Variants in GRHPR observed in about 807,000 individuals in gnomAD.
GRHPR encodes the protein glyoxylate and hydroxypyruvate reductase.
In GRHPR, 35 loss-of-function variants were observed where a neutral mutation model predicts 36.8. The ratio of observed to expected loss-of-function variants is 0.95; its 90% CI spans 0.73 to 1.26. The LOEUF (loss-of-function observed/expected upper bound fraction) is 1.26. GRHPR is among the 50% of genes most tolerant of loss of function. The pLI is 0.00. For missense variants in GRHPR, 380 were observed against 435.0 expected, an observed-to-expected ratio of 0.87 and a Z score of 1.12; for synonymous variants, 179 against 181.0, an observed-to-expected ratio of 0.99 and a Z score of 0.09.
At chr9:37,433,649 G>C (rs1823488659) in intron 8 of GRHPR, among the ~76,000 whole-genome samples, 1 of 152,186 alleles carries the variant, frequency 6.6e-6, no homozygotes, top group Non-Finnish European at 1.5e-5. Context: ...GACAGAGTGT[G>C]CTCCTCACGG....
Position 37,422,814 on chromosome 9 carries a change from G to A in GRHPR, c.64G>A (p.Ala22Thr). The A allele has an allele frequency of 1.2e-6, 2 of 1,600,516 alleles. No individual in the cohort carries two copies. Residue 22 changes from alanine (A) to threonine (T), a missense_variant, in exon 1 of 9, where the codon GCG (alanine) becomes ACG (threonine). Ala to Thr is a moderately conservative substitution (Grantham distance 58). Coordinates refer to ENST00000318158, the MANE Select transcript of GRHPR (RefSeq NM_012203.2). Reference protein sequence around the residue: ...TRRIPAEGRVALARAADCEVE... With the variant: ...TRRIPAEGRVTLARAADCEVE... ...CAGGATACCCGCCGAGGGTAGGGTC[G>A]CGCTCGCCCGGGCGGCAGAGTAAGA...
chr9:37,436,557 CTCTT>C (rs1181437109), intron 8 of GRHPR, 100 bp from the exon 9 acceptor site: 17 of 1,238,866 alleles, frequency 1.4e-5, no homozygotes, highest in African/African-American at 7.4e-5. Context: ...GAGGTAGTCT[CTCTT>C]TATTCTTCTT....
At chr9:37,428,322 T>G in intron 4 of GRHPR, 162 bp from the exon 5 acceptor site, 2 of 637,788 alleles carry the variant, frequency 3.1e-6, no homozygotes, top group Non-Finnish European at 5.8e-6. Flanking sequence ...TCGTTTCTGC[T>G]GCTCATCTGC....
At chr9:37,431,822 G>A (rs1348247029) in intron 7 of GRHPR, 186 bp from the exon 8 acceptor site, 2 of 584,792 alleles carry the variant, frequency 3.4e-6, no homozygotes, top group Non-Finnish European at 6.2e-6. Context: ...ACAGCTAGAA[G>A]GAGGCAGGGC....
rs1383439544 is a variant in GRHPR at position 37,426,563 on chromosome 9, G to A, written c.313G>A (p.Asp105Asn). The A allele has an allele frequency of 6.2e-7, 1 of 1,613,258 alleles. No individual in the cohort carries two copies. Among genetic ancestry groups the A allele is most frequent in the Admixed American group, 1.7e-5 (1 of 60,026 alleles). Residue 105 changes from aspartate (D) to asparagine (N), a missense_variant, in exon 4 of 9, where the codon GAT (aspartate) becomes AAT (asparagine). Asp to Asn is a conservative substitution (Grantham distance 23, BLOSUM62 1). Coordinates refer to ENST00000318158, the MANE Select transcript of GRHPR (RefSeq NM_012203.2). Reference protein sequence around the residue: ...KRGIRVGYTPDVLTDTTAELA... With the variant: ...KRGIRVGYTPNVLTDTTAELA... ...TGGGATCCGAGTTGGCTACACCCCA[G>A]ATGTCCTGACAGATACCACCGCCGA...
chr9:37,431,533 G>C, intron 7 of GRHPR: 1 of 243,238 alleles, frequency 4.1e-6, no homozygotes, highest in Non-Finnish European at 8.2e-6. Context: ...GTGGTTAGGG[G>C]TGTGCTCGTT....
rs1823697945 is a variant in GRHPR at position 37,436,952 on chromosome 9, A to G, written c.*170A>G. Reference sequence around the variant, plus strand: ...CATTGGTGTTGGACACATTTGCGCCAAAAGTATGGTAATTCTATTATTAAA... The same window carrying G: ...CATTGGTGTTGGACACATTTGCGCCGAAAGTATGGTAATTCTATTATTAAA... On this transcript the variant is annotated 3_prime_UTR_variant, in exon 9 of 9. Coordinates refer to ENST00000318158, the MANE Select transcript of GRHPR (RefSeq NM_012203.2). 1 of 698,458 alleles carries G rather than the reference A, an allele frequency of 1.4e-6. No homozygotes were observed. Among genetic ancestry groups the G allele is most frequent in the Non-Finnish European group, 2.5e-6 (1 of 397,872 alleles). The allele number at this position is 698,458 out of a possible 1,614,324, so 43.3% of individuals were successfully genotyped here. A position where few individuals can be genotyped will look rare whatever the true frequency, so the allele number is the denominator to read the frequency against.
rs1430082256 is a variant in GRHPR, at chr9:37,436,796, A to G, written c.*14A>G. 1.2e-6 allele frequency: 2 copies of G among 1,613,914 alleles called. No homozygotes were observed. The highest frequency in any genetic ancestry group is 2.7e-5 in the African/African-American group (2 of 75,016). On this transcript the variant is annotated 3_prime_UTR_variant, in exon 9 of 9. Coordinates refer to ENST00000318158, the MANE Select transcript of GRHPR (RefSeq NM_012203.2). ...CTCAAGCTGTAGCCAAACAGTAGAG[A>G]TGGAGGGCCGGGAAGCAAACCGTGC...
Position 37,422,714 on chromosome 9 carries a change from C to T in GRHPR, c.-37C>T. 1 of 1,494,228 alleles carries T rather than the reference C, an allele frequency of 6.7e-7. No homozygotes were observed. The highest frequency in any genetic ancestry group is 9.1e-7 in the Non-Finnish European group (1 of 1,093,702). The allele number at this position is 1,494,228 out of a possible 1,614,324, so 92.6% of individuals were successfully genotyped here. On this transcript the variant is annotated 5_prime_UTR_variant, in exon 1 of 9. Transcript: ENST00000318158. ...CCCAGCTACATTCCCGGGCCAGCTT[C>T]TGTACTGCCAGGTCCGGGTCGGCGG...
At chr9:37,435,062 G>C (rs1361890996) in intron 8 of GRHPR, among the ~76,000 whole-genome samples, 1 of 152,132 alleles carries the variant, frequency 6.6e-6, no homozygotes, top group Admixed American at 6.5e-5. Context: ...ATCTAGCCTG[G>C]GCAACATAGT....
chr9:37,426,335 T>G (rs1250958322), intron 3 of GRHPR: 8 of 642,408 alleles, frequency 1.2e-5, no homozygotes, highest in Non-Finnish European at 2.3e-5. Flanking sequence ...TGAACCCTGA[T>G]CTTCCATCTT....
chr9:37,425,058 T>A, intron 2 of GRHPR, 83 bp downstream of exon 2: 1 of 1,402,154 alleles, frequency 7.1e-7, no homozygotes. Flanking sequence ...CTGGCTGCTC[T>A]GCAGTGCTGT....
Position 37,424,931 on chromosome 9 carries a change from G to C in GRHPR, c.170G>C (p.Cys57Ser), listed in dbSNP as rs1455078314. 4 of 1,612,268 alleles carry C rather than the reference G, an allele frequency of 2.5e-6. No individual in the cohort carries two copies. Among genetic ancestry groups the C allele is most frequent in the Non-Finnish European group, 3.4e-6 (4 of 1,179,892 alleles). ...GTGGCGGGGGCCCACGGCCTGCTCT[G>C]CCTCCTCTCCGACCACGTGGACAAG... Reference protein sequence around the residue: ...RGVAGAHGLLCLLSDHVDKRI... With the variant: ...RGVAGAHGLLSLLSDHVDKRI... The change falls in exon 2 of 9, where the codon TGC becomes TCC. Residue 57 changes from cysteine to serine, a missense_variant. Cys to Ser is a moderately radical substitution (Grantham distance 112). Coordinates refer to ENST00000318158, the MANE Select transcript of GRHPR (RefSeq NM_012203.2).
intron 2 of GRHPR, among the ~76,000 whole-genome samples, chr9:37,425,406 C>A (rs1009351833): frequency 1.3e-5 from 2 of 152,262 alleles, no homozygotes; most frequent in African/African-American, 4.8e-5. Flanking sequence ...TAAACCTCCC[C>A]CTGTGAGGCT....
chr9:37,434,276 T>C (rs758376911), intron 8 of GRHPR: 1 of 440,308 alleles, frequency 2.3e-6, no homozygotes, highest in East Asian at 3.3e-5. Flanking sequence ...GTGATCCCTA[T>C]GGGGGGAGCA....
rs369117056 is a variant in GRHPR, at chr9:37,431,024, TTGTC to T, written c.734+381_734+384del. 5.6e-5 allele frequency: 27 copies of T among 479,108 alleles called. No homozygotes were observed. In the East Asian group the frequency reaches 6.8e-4, roughly 12 times the overall value. The allele number at this position is 479,108 out of a possible 1,614,324, so 29.7% of individuals were successfully genotyped here. On this transcript the variant is annotated intron_variant, in intron 7 of 8. Transcript: ENST00000318158. ...GCCTCCCACACTGCTGAGCCTGGCT[TTGTC>T]TGGCTGTGGTTCAGTGATACTTTGA...
chr9:37,436,863 A>AG lies in GRHPR; in HGVS notation c.*83dup. The AG allele has an allele frequency of 6.8e-7, 1 of 1,460,106 alleles. No individual in the cohort carries two copies. Among genetic ancestry groups the AG allele is most frequent in the South Asian group, 1.1e-5 (1 of 87,550 alleles). 90.4% of individuals were successfully genotyped at this position (1,460,106 alleles called of 1,614,324 possible). A position where few individuals can be genotyped will look rare whatever the true frequency, so the allele number is the denominator to read the frequency against. ...ACACCCAGGCTTGATTTGGATCCAC[A>AG]GGCAGAGCCAAGGGAAGGTGTGATT... On this transcript the variant is annotated 3_prime_UTR_variant, in exon 9 of 9. Coordinates refer to ENST00000318158, the MANE Select transcript of GRHPR (RefSeq NM_012203.2).
At chr9:37,428,339 G>C in intron 4 of GRHPR, 145 bp from the exon 5 acceptor site, 23 of 618,288 alleles carry the variant, frequency 3.7e-5, no homozygotes, top group East Asian at 1.3e-4. Flanking sequence ...CTGCAGTGCC[G>C]AGTGGCAGTG....
At chr9:37,424,387 C>T (rs370299690) in intron 1 of GRHPR, among the ~76,000 whole-genome samples, 1 of 152,372 alleles carries the variant, frequency 6.6e-6, no homozygotes, top group South Asian at 2.1e-4. Flanking sequence ...GCCGTGGAAG[C>T]GTTGGGTGGC....
Sources: gnomAD v4.1 joint callset for allele counts (sites outside exome capture counted in the v4.1 genomes callset) on GRCh38, gnomAD v4.1.1 for gene constraint, MANE v1.5 for transcripts, NCBI Gene and HGNC (gene_info 2026-07-23, HGNC 2026-07-21) for gene names.